NKAP: variants seen among roughly 807,000 people sequenced by gnomAD.
NKAP encodes NFKB activating protein.
Under a neutral mutation model 35.6 loss-of-function variants are expected in NKAP, and 4 were observed. That is an observed-to-expected ratio of 0.11 (90% CI 0.06 to 0.26). The LOEUF is 0.26. Among genes scored for constraint, NKAP ranks in the 10% least tolerant of loss-of-function variants. NKAP has a pLI of 1.00. For missense variants in NKAP, 238 were observed against 321.9 expected (o/e 0.74, Z 1.99); for synonymous variants, 106 against 119.2 (o/e 0.89, Z 0.72).
rs1360235168 is a variant in NKAP at position 119,921,875 on chromosome X, T to C, written c.*3345A>G. 3 of 111,815 alleles carry C rather than the reference T, an allele frequency of 2.7e-5. No homozygotes were observed. The highest frequency in any genetic ancestry group is 9.6e-5 in the Admixed American group (1 of 10,396). 9.2% of individuals were successfully genotyped at this position (111,815 alleles called of 1,213,427 possible). ...TGTTTATTTAGAGACGGAGTCTCAT[T>C]CTGTCTCCCAGGCCGGAGTGCAGTG... On this transcript the variant is annotated 3_prime_UTR_variant, in exon 9 of 9. Transcript: ENST00000371410.
At chrX:119,932,839 T>C (rs1259539734) in intron 5 of NKAP, 3 of 109,966 alleles carry the variant, frequency 2.7e-5, no homozygotes, top group Non-Finnish European at 5.7e-5. Context: ...TAGCCAGGTG[T>C]GGTGGCACAC....
chrX:119,940,879 TG>T (rs1252070984), intron 1 of NKAP, among the ~76,000 whole-genome samples: 2 of 111,783 alleles, frequency 1.8e-5, no homozygotes, highest in Non-Finnish European at 3.8e-5. Flanking sequence ...GATAAATTAT[TG>T]GCCGGGCCCA....
chrX:119,928,234 T>C (rs1015233478), intron 8 of NKAP, among the ~76,000 whole-genome samples: 20 of 112,380 alleles, frequency 1.8e-4, no homozygotes, highest in African/African-American at 6.5e-4. Flanking sequence ...TGTTAGTAAA[T>C]AGAAATGCAG....
chrX:119,938,953 A>G (rs2056779597), intron 1 of NKAP, 143 bp from the exon 2 acceptor site: 2 of 446,752 alleles, frequency 4.5e-6, no homozygotes, highest in Non-Finnish European at 3.9e-6. Flanking sequence ...ATGTAAACTC[A>G]TCACTTAAGG....
intron 4 of NKAP, among the ~76,000 whole-genome samples, chrX:119,935,687 G>T (rs1374859102): frequency 1.8e-5 from 2 of 111,487 alleles, no homozygotes; most frequent in Non-Finnish European, 3.8e-5. Context: ...AGAGGAAGGT[G>T]AATCTTTGTG....
chrX:119,930,237 G>A (rs2147845315), intron 7 of NKAP, 72 bp from the exon 8 acceptor site: 1 of 1,026,816 alleles, frequency 9.7e-7, no homozygotes, highest in South Asian at 2.4e-5. Context: ...AATCTAAAGA[G>A]AGCACCAAAA....
At position 119,924,931 on chromosome X, in the gene NKAP, C is replaced by G. The variant is rs1421949072; in HGVS notation, c.*289G>C. 3.9e-6 allele frequency: 1 copy of G among 255,476 alleles called. No individual in the cohort carries two copies. Among genetic ancestry groups the G allele is most frequent in the African/African-American group, 2.9e-5 (1 of 34,678 alleles). The allele number at this position is 255,476 out of a possible 1,213,427, so 21.1% of individuals were successfully genotyped here. On this transcript the variant is annotated 3_prime_UTR_variant, in exon 9 of 9. Coordinates refer to ENST00000371410, the MANE Select transcript of NKAP (RefSeq NM_024528.4). Reference sequence around the variant, plus strand: ...GAACTCCTGGCCTCAAGTGATCCACCCGCCTCAGCCTCCCAAAGTGCTGGG... The same window carrying G: ...GAACTCCTGGCCTCAAGTGATCCACGCGCCTCAGCCTCCCAAAGTGCTGGG...
At chrX:119,940,221 C>T (rs1169943538) in intron 1 of NKAP, among the ~76,000 whole-genome samples, 3 of 109,629 alleles carry the variant, frequency 2.7e-5, no homozygotes, top group African/African-American at 9.9e-5. Flanking sequence ...TGCCTGTAGT[C>T]CCAGCTATTC....
intron 8 of NKAP, among the ~76,000 whole-genome samples, chrX:119,926,743 T>A (rs2056716346): frequency 9.1e-6 from 1 of 109,812 alleles, no homozygotes; most frequent in African/African-American, 3.3e-5. Context: ...TCCTTCAAGG[T>A]TCTACTTTAC....
In NKAP at chrX:119,920,898, C is replaced by T. The variant is rs190522696; in HGVS notation, c.*4322G>A. ...GAGTTGCTAAAATTCACCTATTGGA[C>T]CAAACTAAGGTTGGTACTTGGCTGT... is the stretch of plus-strand genomic sequence containing the variant. On this transcript the variant is annotated 3_prime_UTR_variant, in exon 9 of 9. Coordinates refer to ENST00000371410, the MANE Select transcript of NKAP (RefSeq NM_024528.4). 4.7e-4 allele frequency: 70 copies of T among 148,772 alleles called. 1 individual carries two copies. Among genetic ancestry groups the T allele is most frequent in the Non-Finnish European group, 1.6e-4 (12 of 76,642 alleles). 12.3% of individuals were successfully genotyped at this position (148,772 alleles called of 1,213,427 possible).
chrX:119,936,461 T>C lies in NKAP; in HGVS notation c.539-30A>G, dbSNP rs748092536. The stretch of plus-strand genomic sequence containing the variant: ...GAAAGTACAAATTAAAAAATTATAT[T>C]CTAAAAAACTATTTCTGAACATCAA... On this transcript the variant is annotated intron_variant, in intron 3 of 8. Coordinates refer to ENST00000371410, the MANE Select transcript of NKAP (RefSeq NM_024528.4). The C allele has an allele frequency of 5.6e-6, 6 of 1,063,982 alleles. No individual in the cohort carries two copies. In the East Asian group the frequency reaches 9.6e-5, roughly 17 times the overall value. 87.7% of individuals were successfully genotyped at this position (1,063,982 alleles called of 1,213,427 possible). A position where few individuals can be genotyped will look rare whatever the true frequency, so the allele number is the denominator to read the frequency against.
At chrX:119,927,546 TGTTG>T (rs1176429571) in intron 8 of NKAP, among the ~76,000 whole-genome samples, 3 of 111,331 alleles carry the variant, frequency 2.7e-5, no homozygotes, top group Non-Finnish European at 5.7e-5. Flanking sequence ...GGTTTCACCA[TGTTG>T]GCCAGGCTGG....
At chrX:119,936,478 GAACATCAAAAGA>G (rs2056767081) in intron 3 of NKAP, 47 bp from the exon 4 acceptor site, 10 of 1,032,973 alleles carry the variant, frequency 9.7e-6, no homozygotes, top group African/African-American at 2.0e-5. Context: ...AACTATTTCT[GAACATCAAAAGA>G]AACAGACGAT....
chrX:119,940,323 A>G (rs2056786750), intron 1 of NKAP, among the ~76,000 whole-genome samples: 1 of 99,721 alleles, frequency 1.0e-5, no homozygotes, highest in Non-Finnish European at 2.0e-5. Context: ...CCTGGGTGAT[A>G]GAGTGAGACT....
At chrX:119,927,191 T>C (rs1344656669) in intron 8 of NKAP, among the ~76,000 whole-genome samples, 1 of 107,693 alleles carries the variant, frequency 9.3e-6, no homozygotes, top group African/African-American at 3.4e-5. Flanking sequence ...TCTCGGCTTA[T>C]TGCAACCTCC....
intron 1 of NKAP, among the ~76,000 whole-genome samples, chrX:119,941,732 C>T (rs1015341377): frequency 9.0e-6 from 1 of 111,411 alleles, no homozygotes; most frequent in African/African-American, 3.3e-5. Flanking sequence ...CTCAAGTGAT[C>T]CTCCCACTTC....
At chrX:119,934,444 A>AAAG in intron 5 of NKAP, 50 bp downstream of exon 5, 1 of 717,651 alleles carries the variant, frequency 1.4e-6, no homozygotes, top group Non-Finnish European at 1.9e-6. Flanking sequence ...AAAAAAAAAA[A>AAAG]AAAAAAAAAA....
Position 119,943,051 on chromosome X carries a change from G to T in NKAP, c.386+169C>A, listed in dbSNP as rs2106544. ...AAGGGGCCTGAGGGTAAGGGAAAATGAAAAGGACGAATAAAGGGTTGTCGT... is the reference window on the plus strand; with the variant it reads ...AAGGGGCCTGAGGGTAAGGGAAAATTAAAAGGACGAATAAAGGGTTGTCGT... On this transcript the variant is annotated intron_variant, in intron 1 of 8. Coordinates refer to ENST00000371410, the MANE Select transcript of NKAP (RefSeq NM_024528.4). 3,114 of 636,659 alleles carry T rather than the reference G, an allele frequency of 4.9e-3. 65 individuals are homozygous for T. In the African/African-American group the frequency reaches 0.061, roughly 12 times the overall value. The allele number at this position is 636,659 out of a possible 1,213,427, so 52.5% of individuals were successfully genotyped here.
rs1210514175 is a variant in NKAP, at chrX:119,943,750, G to A, written c.-145C>T. The A allele has an allele frequency of 1.1e-5, 7 of 654,956 alleles. No homozygotes were observed. Among genetic ancestry groups the A allele is most frequent in the African/African-American group, 6.8e-5 (3 of 44,182 alleles). The allele number at this position is 654,956 out of a possible 1,213,427, so 54.0% of individuals were successfully genotyped here. A position where few individuals can be genotyped will look rare whatever the true frequency, so the allele number is the denominator to read the frequency against. On this transcript the variant is annotated 5_prime_UTR_variant, in exon 1 of 9. Coordinates refer to ENST00000371410, the MANE Select transcript of NKAP (RefSeq NM_024528.4). ...CTTGGACACAGTTCTGGGTACTTCTGCAAAACCCTTCCCCGGATCTAGGCG... is the reference window on the plus strand; with the variant it reads ...CTTGGACACAGTTCTGGGTACTTCTACAAAACCCTTCCCCGGATCTAGGCG...
Sources: gnomAD v4.1 joint callset for allele counts (sites outside exome capture counted in the v4.1 genomes callset) on GRCh38, gnomAD v4.1.1 for gene constraint, MANE v1.5 for transcripts, NCBI Gene and HGNC (gene_info 2026-07-23, HGNC 2026-07-21) for gene names.